The following CTNNA3 variants were observed in gnomAD, a reference collection of about 807,000 sequenced individuals.
The protein encoded by CTNNA3 is catenin alpha 3.
Under a neutral mutation model 95.7 loss-of-function variants are expected in CTNNA3, and 76 were observed. That is an observed-to-expected ratio of 0.79 (90% CI 0.66 to 0.96). The LOEUF (loss-of-function observed/expected upper bound fraction) is 0.96, where lower values mean the gene tolerates loss of function less well. Among genes scored for constraint, CTNNA3 ranks in the 40% least tolerant of loss-of-function variants. CTNNA3 has a pLI of 0.00. For missense variants in CTNNA3, 1,191 were observed against 1,089.8 expected (o/e 1.09, Z -1.31); for synonymous variants, 431 against 374.4 (o/e 1.15, Z -1.74).
chr10:67,102,882 T>C (rs1261273137), intron 7 of CTNNA3, among the ~76,000 whole-genome samples: 3 of 151,848 alleles, frequency 2.0e-5, no homozygotes, highest in African/African-American at 7.2e-5. Context: ...AGTTGGTCAG[T>C]TGAGCAGTTT....
chr10:67,216,471 G>GA (rs1589875616), intron 6 of CTNNA3, among the ~76,000 whole-genome samples: 1 of 152,072 alleles, frequency 6.6e-6, no homozygotes, highest in East Asian at 1.9e-4. Context: ...TAAGGGTAAG[G>GA]AAAAAATGCT....
At chr10:67,738,525 A>C (rs544019531) in intron 1 of CTNNA3, among the ~76,000 whole-genome samples, 16 of 152,350 alleles carry the variant, frequency 1.1e-4, no homozygotes, top group African/African-American at 3.6e-4. Context: ...TGTAAGAATC[A>C]GAGTGCCTCT....
intron 2 of CTNNA3, among the ~76,000 whole-genome samples, chr10:67,613,934 G>A (rs1183790103): frequency 6.6e-6 from 1 of 152,194 alleles, no homozygotes; most frequent in Non-Finnish European, 1.5e-5. Flanking sequence ...CTTCAAGAAT[G>A]GAGCCACAGA....
At chr10:66,944,755 T>C (rs1393478782) in intron 7 of CTNNA3, among the ~76,000 whole-genome samples, 1 of 152,154 alleles carries the variant, frequency 6.6e-6, no homozygotes, top group African/African-American at 2.4e-5. Flanking sequence ...TCAAAATTAT[T>C]CCCTGATTCA....
At chr10:66,597,040 A>C (rs1843734695) in intron 10 of CTNNA3, among the ~76,000 whole-genome samples, 1 of 152,040 alleles carries the variant, frequency 6.6e-6, no homozygotes, top group African/African-American at 2.4e-5. Context: ...AATTAATGAA[A>C]TGAAAAAATA....
chr10:67,210,785 A>G (rs1016606800), intron 6 of CTNNA3, among the ~76,000 whole-genome samples: 1 of 152,134 alleles, frequency 6.6e-6, no homozygotes, highest in Admixed American at 6.5e-5. Context: ...TTCTATTTTG[A>G]GGTCCTCTAT....
chr10:66,088,588 C>G (rs1031150614), intron 14 of CTNNA3, among the ~76,000 whole-genome samples: 2 of 150,132 alleles, frequency 1.3e-5, no homozygotes, highest in Non-Finnish European at 3.0e-5. Context: ...GGCAAACATT[C>G]TAGAAGACAA....
chr10:66,603,593 T>G (rs895412604), intron 10 of CTNNA3, among the ~76,000 whole-genome samples: 2 of 152,116 alleles, frequency 1.3e-5, no homozygotes, highest in Non-Finnish European at 2.9e-5. Context: ...AATCCTAAAA[T>G]GTGTATGGAC....
chr10:66,691,986 A>G (rs1183829267), intron 9 of CTNNA3, among the ~76,000 whole-genome samples: 1 of 152,188 alleles, frequency 6.6e-6, no homozygotes, highest in Non-Finnish European at 1.5e-5. Flanking sequence ...AAAGACCAAA[A>G]GTAGATAAAA....
intron 7 of CTNNA3, among the ~76,000 whole-genome samples, chr10:66,808,528 T>C (rs1841747984): frequency 6.6e-6 from 1 of 152,188 alleles, no homozygotes. Flanking sequence ...AAACATACAG[T>C]AGTTCCCCTT....
intron 13 of CTNNA3, among the ~76,000 whole-genome samples, chr10:66,162,076 CT>C (rs1446678369): frequency 1.3e-5 from 2 of 151,690 alleles, no homozygotes; most frequent in Admixed American, 6.6e-5. Context: ...TTTAAGCTAT[CT>C]ATTTTCTTGA....
chr10:65,913,304 T>C lies in CTNNA3; in HGVS notation c.*7026A>G, dbSNP rs2076968341. On this transcript the variant is annotated 3_prime_UTR_variant, in exon 18 of 18. Transcript: ENST00000433211. The stretch of plus-strand genomic sequence containing the variant: ...GAAATCTTTCTCTAGAAGTTTTAAT[T>C]CATATTTAATCACCCAACTTGCCCA... The C allele has an allele frequency of 6.6e-6, 1 of 152,160 alleles. No homozygotes were observed. The highest frequency in any genetic ancestry group is 1.5e-5 in the Non-Finnish European group (1 of 68,022). The allele number at this position is 152,160 out of a possible 1,614,324, so 9.4% of individuals were successfully genotyped here.
At chr10:67,554,936 G>A (rs1841179863) in intron 3 of CTNNA3, among the ~76,000 whole-genome samples, 1 of 152,124 alleles carries the variant, frequency 6.6e-6, no homozygotes, top group African/African-American at 2.4e-5. Context: ...TTTGTATAAG[G>A]TGTAAGGAAG....
intron 11 of CTNNA3, among the ~76,000 whole-genome samples, chr10:66,388,043 A>G (rs1235507992): frequency 6.6e-6 from 1 of 152,124 alleles, no homozygotes; most frequent in Non-Finnish European, 1.5e-5. Flanking sequence ...ATGTATACCT[A>G]TGTATCAAAC....
At chr10:67,505,845 AG>A (rs1490844472) in intron 5 of CTNNA3, among the ~76,000 whole-genome samples, 1 of 152,212 alleles carries the variant, frequency 6.6e-6, no homozygotes, top group Non-Finnish European at 1.5e-5. Flanking sequence ...TAGTGCTACC[AG>A]GTGCTATACT....
chr10:66,629,468 C>A (rs537024952), intron 9 of CTNNA3, among the ~76,000 whole-genome samples: 3 of 152,058 alleles, frequency 2.0e-5, no homozygotes, highest in Non-Finnish European at 2.9e-5. Flanking sequence ...TTTGCACCAA[C>A]CTATATTTTT....
intron 7 of CTNNA3, chr10:67,099,554 T>G (rs1858213703): frequency 6.6e-6 from 1 of 152,196 alleles, no homozygotes; most frequent in African/African-American, 2.4e-5. Flanking sequence ...TGCAGGTTTG[T>G]CACAGCAAAT....
intron 3 of CTNNA3, among the ~76,000 whole-genome samples, chr10:67,573,752 C>T (rs892246569): frequency 6.6e-6 from 1 of 151,616 alleles, no homozygotes; most frequent in African/African-American, 2.4e-5. Flanking sequence ...CTCCTTCCCT[C>T]CCTCTATCCT....
intron 7 of CTNNA3, among the ~76,000 whole-genome samples, chr10:67,038,207 A>G (rs571868016): frequency 6.6e-6 from 1 of 152,244 alleles, no homozygotes; most frequent in Admixed American, 6.5e-5. Context: ...TATAAAATAT[A>G]TTGTATTATT....
Sources: gnomAD v4.1 joint callset for allele counts (sites outside exome capture counted in the v4.1 genomes callset) on GRCh38, gnomAD v4.1.1 for gene constraint, MANE v1.5 for transcripts, NCBI Gene and HGNC (gene_info 2026-07-23, HGNC 2026-07-21) for gene names.